ZNF618: variants seen among roughly 807,000 people sequenced by gnomAD.
ZNF618 encodes the protein zinc finger protein 618.
ZNF618 carries 34 observed loss-of-function variants against 103.0 expected under a neutral mutation model. The ratio of observed to expected loss-of-function variants is 0.33; its 90% CI spans 0.25 to 0.44. ZNF618 has a LOEUF of 0.44. Ranked by LOEUF, ZNF618 falls within the 20% of genes least tolerant of loss-of-function variation. The pLI, the probability that ZNF618 is intolerant of heterozygous loss-of-function variation, is 1.00. For missense variants in ZNF618, 1,059 were observed against 1,295.4 expected, an observed-to-expected ratio of 0.82 and a Z score of 2.80; for synonymous variants, 551 against 542.2, an observed-to-expected ratio of 1.02 and a Z score of -0.23.
intron 1 of ZNF618, among the ~76,000 whole-genome samples, chr9:113,932,076 A>G (rs1045028528): frequency 6.6e-6 from 1 of 152,236 alleles, no homozygotes; most frequent in Non-Finnish European, 1.5e-5. Flanking sequence ...TGACAACTAA[A>G]TGATGAATGG....
chr9:114,032,086 C>A (rs979565380), intron 11 of ZNF618, among the ~76,000 whole-genome samples: 2 of 152,222 alleles, frequency 1.3e-5, no homozygotes, highest in African/African-American at 4.8e-5. Context: ...GGGGGAACAA[C>A]TGACCAGACT....
At chr9:113,943,551 G>A (rs1306211712) in intron 1 of ZNF618, among the ~76,000 whole-genome samples, 1 of 151,940 alleles carries the variant, frequency 6.6e-6, no homozygotes, top group Non-Finnish European at 1.5e-5. Context: ...ACCGATTGTT[G>A]CCATGGCAGA....
intron 13 of ZNF618, among the ~76,000 whole-genome samples, chr9:114,039,645 C>T (rs987955929): frequency 3.9e-5 from 6 of 152,076 alleles, no homozygotes; most frequent in Non-Finnish European, 8.8e-5. Flanking sequence ...GCCACCATGC[C>T]TAGCACCACA....
chr9:114,016,191 G>A (rs1288521953), intron 9 of ZNF618: 1 of 1,612,070 alleles, frequency 6.2e-7, no homozygotes, highest in Non-Finnish European at 8.5e-7. Context: ...AAAGTCGGGT[G>A]GGACTTGAGA....
chr9:114,038,535 G>C (rs532584877), intron 13 of ZNF618, among the ~76,000 whole-genome samples: 1 of 152,346 alleles, frequency 6.6e-6, no homozygotes, highest in South Asian at 2.1e-4. Flanking sequence ...TCACAGCGCC[G>C]ACGATAAGGA....
At chr9:113,935,693 A>G (rs1416802357) in intron 1 of ZNF618, among the ~76,000 whole-genome samples, 1 of 152,114 alleles carries the variant, frequency 6.6e-6, no homozygotes, top group Non-Finnish European at 1.5e-5. Context: ...AATTGGCTCC[A>G]TCTTTAGGTG....
At chr9:113,952,546 G>A (rs1233595968) in intron 1 of ZNF618, among the ~76,000 whole-genome samples, 1 of 152,218 alleles carries the variant, frequency 6.6e-6, no homozygotes, top group African/African-American at 2.4e-5. Context: ...CCCTTTTGGG[G>A]GAGTTAGGGA....
At chr9:113,944,968 T>C (rs114246900) in intron 1 of ZNF618, among the ~76,000 whole-genome samples, 1,666 of 152,270 alleles carry the variant, frequency 0.011, 42 homozygotes, top group African/African-American at 0.038. Context: ...TCCGCAGATA[T>C]GAAGCAGTGT....
Position 114,036,340 on chromosome 9 carries a change from C to G in ZNF618, c.1209C>G (p.Phe403Leu). Residue 403 changes from phenylalanine to leucine, a missense_variant, in exon 13 of 15, where the codon TTC (phenylalanine) becomes TTG (leucine). By Grantham distance (22) the Phe-to-Leu change is conservative (BLOSUM62 0). This residue lies in a region of ZNF618 where 434 missense variants were observed against 476.0 expected (regional missense o/e 0.91). Coordinates refer to ENST00000374126, the MANE Select transcript of ZNF618 (RefSeq NM_001318042.2). ...TCGACGIQFQ[F>L]YNNLLEHMQS... ...GCGCCTGTGGGATCCAGTTCCAGTT[C>G]TACAACAACCTGTTGGAGCACATGC... is the stretch of plus-strand genomic sequence containing the variant. 6.3e-7 allele frequency: 1 copy of G among 1,584,354 alleles called. No homozygotes were observed. Among genetic ancestry groups the G allele is most frequent in the South Asian group, 1.2e-5 (1 of 86,240 alleles).
chr9:113,983,851 A>T (rs967510571), intron 2 of ZNF618, among the ~76,000 whole-genome samples: 1 of 152,250 alleles, frequency 6.6e-6, no homozygotes, highest in African/African-American at 2.4e-5. Flanking sequence ...CCTGTTGCAA[A>T]TGGGTGACCA....
chr9:114,019,538 G>A (rs1481439294), intron 10 of ZNF618, among the ~76,000 whole-genome samples: 1 of 152,228 alleles, frequency 6.6e-6, no homozygotes, highest in Admixed American at 6.5e-5. Flanking sequence ...CTATTCTAGT[G>A]AGGGGATAGT....
chr9:113,977,818 G>GT, intron 2 of ZNF618, among the ~76,000 whole-genome samples: 1 of 152,256 alleles, frequency 6.6e-6, no homozygotes, highest in Non-Finnish European at 1.5e-5. Flanking sequence ...AAATTTTGGA[G>GT]TTTGTGACTT....
chr9:114,024,447 C>G (rs960722109), intron 10 of ZNF618, among the ~76,000 whole-genome samples: 1 of 152,188 alleles, frequency 6.6e-6, no homozygotes, highest in Non-Finnish European at 1.5e-5. Flanking sequence ...GTGTTGTTGA[C>G]TTGATTTTGT....
rs1389828291 is a variant in ZNF618 at position 113,969,101 on chromosome 9, T to C, written c.34-16T>C. The C allele has an allele frequency of 6.2e-7, 1 of 1,613,918 alleles. No homozygotes were observed. ...TCTGCCTTGGCTGATGTAGGTGTTT[T>C]GGGTTTCTTTTGCAGGCTGACGGAG... On this transcript the variant is annotated splice_polypyrimidine_tract_variant and intron_variant, in intron 1 of 14. Transcript: ENST00000374126.
chr9:113,956,740 T>G (rs1836342395), intron 1 of ZNF618, among the ~76,000 whole-genome samples: 1 of 152,250 alleles, frequency 6.6e-6, no homozygotes, highest in South Asian at 2.1e-4. Flanking sequence ...TAGAGTAGAC[T>G]GTCGTCTAGG....
chr9:114,022,389 T>G (rs1239620546), intron 10 of ZNF618, among the ~76,000 whole-genome samples: 1 of 152,094 alleles, frequency 6.6e-6, no homozygotes, highest in Non-Finnish European at 1.5e-5. Flanking sequence ...CTTTTGAGCC[T>G]GAAGTTTTCT....
intron 1 of ZNF618, among the ~76,000 whole-genome samples, chr9:113,944,787 A>G (rs1834860423): frequency 6.6e-6 from 1 of 152,226 alleles, no homozygotes; most frequent in South Asian, 2.1e-4. Flanking sequence ...TTATTAAGGT[A>G]TTACACATTT....
intron 1 of ZNF618, among the ~76,000 whole-genome samples, chr9:113,892,208 A>G (rs1358299768): frequency 6.6e-6 from 1 of 152,178 alleles, no homozygotes; most frequent in Non-Finnish European, 1.5e-5. Context: ...CGCCCCCCCA[A>G]TATAAAAATC....
chr9:114,005,935 C>G (rs555958290), intron 6 of ZNF618, among the ~76,000 whole-genome samples: 2 of 152,226 alleles, frequency 1.3e-5, no homozygotes, highest in African/African-American at 4.8e-5. Context: ...CTTGCCACCT[C>G]TTTCTTGGAT....
Sources: gnomAD v4.1 joint callset for allele counts (sites outside exome capture counted in the v4.1 genomes callset) on GRCh38, gnomAD v4.1.1 for gene constraint, gnomAD v4.1.1 regional missense constraint, MANE v1.5 for transcripts, NCBI Gene and HGNC (gene_info 2026-07-23, HGNC 2026-07-21) for gene names.